CSMD1: variants seen among roughly 807,000 people sequenced by gnomAD.
CSMD1 encodes the protein CUB and sushi domain-containing protein 1.
A neutral mutation model predicts 417.5 loss-of-function variants in CSMD1; 213 were observed. That is an observed-to-expected ratio of 0.51 (90% confidence interval 0.46 to 0.57). The LOEUF (loss-of-function observed/expected upper bound fraction) is 0.57. Ranked by LOEUF, CSMD1 falls within the 20% of genes least tolerant of loss-of-function variation. CSMD1 has a pLI of 0.00. For missense variants in CSMD1, 6,923 were observed against 4,529.7 expected (o/e 1.53, Z -15.17); for synonymous variants, 2,862 against 1,736.8 (o/e 1.65, Z -16.11).
At position 4,365,969 on chromosome 8, in the gene CSMD1, T is replaced by A. The variant is rs538809025; in HGVS notation, c.415+53984A>T. On this transcript the variant is annotated intron_variant, in intron 3 of 69. Transcript: ENST00000635120. Reference sequence around the variant, plus strand: ...TAGGTTCAGGGTATCCACGTACAGGTTTGTTCATGGGGAAACTGTGTGTTG... The same window carrying A: ...TAGGTTCAGGGTATCCACGTACAGGATTGTTCATGGGGAAACTGTGTGTTG... 3.7e-4 allele frequency among the ~76,000 whole-genome samples: 56 copies of A among 152,234 alleles called. No homozygotes were observed. In the East Asian group the frequency reaches 9.7e-3, roughly 26 times the overall value.
chr8:3,093,458 G>T (rs540667298), intron 47 of CSMD1, among the ~76,000 whole-genome samples: 3 of 152,160 alleles, frequency 2.0e-5, no homozygotes, highest in South Asian at 2.1e-4. Flanking sequence ...CCTGAGGTCA[G>T]AAGTTTGAGA....
rs905763 is a variant in CSMD1, at chr8:4,327,094, G to C, written c.415+92859C>G. Among the ~76,000 whole-genome samples, 228 of 152,226 alleles carry C rather than the reference G, an allele frequency of 1.5e-3. 1 individual carries two copies. Among genetic ancestry groups the C allele is most frequent in the African/African-American group, 5.3e-3 (219 of 41,498 alleles). ...AGAGATGAGGTTGTAGCATATTCTT[G>C]AACAGGAGAGGGGAATCCAGCTGTA... On this transcript the variant is annotated intron_variant, in intron 3 of 69. Coordinates refer to ENST00000635120, the MANE Select transcript of CSMD1 (RefSeq NM_033225.6).
At chr8:4,171,315 C>T (rs554952226) in intron 3 of CSMD1, among the ~76,000 whole-genome samples, 17 of 152,044 alleles carry the variant, frequency 1.1e-4, no homozygotes, top group Admixed American at 2.6e-4. Flanking sequence ...AGGCTGTTTT[C>T]CAGGTGTAGG....
chr8:3,450,001 G>C (rs776064664), intron 12 of CSMD1, among the ~76,000 whole-genome samples: 1 of 152,186 alleles, frequency 6.6e-6, no homozygotes, highest in South Asian at 2.1e-4. Context: ...GGGAGAGAGG[G>C]TCACCAGCTC....
Position 4,817,128 on chromosome 8 carries a change from T to C in CSMD1, c.85+177204A>G, listed in dbSNP as rs143151566. On this transcript the variant is annotated intron_variant, in intron 1 of 69. Coordinates refer to ENST00000635120, the MANE Select transcript of CSMD1 (RefSeq NM_033225.6). ...ATGCCTCCATGTATCTGTATATAAA[T>C]ACATATCATAATATTTACATAAATA... Among the ~76,000 whole-genome samples, 624 of 152,326 alleles carry C rather than the reference T, an allele frequency of 4.1e-3. 3 individuals carry two copies. The highest frequency in any genetic ancestry group is 0.014 in the African/African-American group (589 of 41,578).
At chr8:4,767,483 G>A (rs770667088) in intron 1 of CSMD1, among the ~76,000 whole-genome samples, 45 of 152,106 alleles carry the variant, frequency 3.0e-4, no homozygotes, top group Non-Finnish European at 5.0e-4. Context: ...CCTCACCGCT[G>A]GCTGCTGGTC....
intron 12 of CSMD1, among the ~76,000 whole-genome samples, chr8:3,412,546 T>C (rs899885678): frequency 2.6e-5 from 4 of 152,158 alleles, no homozygotes; most frequent in Admixed American, 6.5e-5. Flanking sequence ...AGCATGAAGA[T>C]GTTGAATACA....
At chr8:3,168,338 C>T (rs183375087) in intron 37 of CSMD1, among the ~76,000 whole-genome samples, 60 of 152,288 alleles carry the variant, frequency 3.9e-4, no homozygotes, top group African/African-American at 1.3e-3. Context: ...CTCTGGCACA[C>T]GACACACAGA....
chr8:4,089,544 A>G lies in CSMD1; in HGVS notation c.416-57445T>C, dbSNP rs1800604830. On this transcript the variant is annotated intron_variant, in intron 3 of 69. Coordinates refer to ENST00000635120, the MANE Select transcript of CSMD1 (RefSeq NM_033225.6). The stretch of plus-strand genomic sequence containing the variant: ...CTTATATAGCATTCTGATTTAACAC[A>G]ATTTGGATTCTGACTTGCATTACTT... Among the ~76,000 whole-genome samples the G allele has an allele frequency of 2.6e-5, 4 of 152,138 alleles. No homozygotes were observed. In the South Asian group the frequency reaches 8.3e-4, roughly 32 times the overall value.
At chr8:4,914,583 G>GAAAAAAAAAAAA (rs59293226) in intron 1 of CSMD1, among the ~76,000 whole-genome samples, 1 of 133,682 alleles carries the variant, frequency 7.5e-6, no homozygotes. Context: ...CTCCCAAAAA[G>GAAAAAAAAAAAA]AAAAAAAAAA....
chr8:4,641,283 C>G (rs1221339678), intron 1 of CSMD1, among the ~76,000 whole-genome samples: 1 of 151,930 alleles, frequency 6.6e-6, no homozygotes, highest in Non-Finnish European at 1.5e-5. Context: ...TCATCTGTTA[C>G]CGAAATAATA....
chr8:3,214,165 G>GGAGA (rs111341226), intron 30 of CSMD1, among the ~76,000 whole-genome samples: 48 of 150,576 alleles, frequency 3.2e-4, no homozygotes, highest in African/African-American at 1.0e-3. Flanking sequence ...TTTTATATAT[G>GGAGA]GAGAGAGAGA....
intron 2 of CSMD1, among the ~76,000 whole-genome samples, chr8:4,544,631 T>C (rs902288723): frequency 2.0e-5 from 3 of 152,174 alleles, no homozygotes; most frequent in Non-Finnish European, 4.4e-5. Flanking sequence ...ATAATACAAT[T>C]TAACTATAGT....
At chr8:4,326,564 G>A (rs73506611) in intron 3 of CSMD1, among the ~76,000 whole-genome samples, 2,060 of 152,270 alleles carry the variant, frequency 0.014, 38 homozygotes, top group African/African-American at 0.047. Context: ...GAAAGTGAAC[G>A]TTAGAAGCAA....
chr8:4,372,903 C>T (rs1021510231), intron 3 of CSMD1, among the ~76,000 whole-genome samples: 1 of 152,186 alleles, frequency 6.6e-6, no homozygotes, highest in African/African-American at 2.4e-5. Context: ...CAAAGTGTAA[C>T]TCCCCATCCC....
intron 3 of CSMD1, among the ~76,000 whole-genome samples, chr8:4,306,239 C>T (rs1374118377): frequency 6.6e-6 from 1 of 152,158 alleles, no homozygotes; most frequent in Non-Finnish European, 1.5e-5. Context: ...TATCACGACA[C>T]TAACAATACG....
At chr8:4,224,004 A>T (rs1454434702) in intron 3 of CSMD1, among the ~76,000 whole-genome samples, 1 of 152,126 alleles carries the variant, frequency 6.6e-6, no homozygotes, top group Non-Finnish European at 1.5e-5. Flanking sequence ...CTTTAAACCC[A>T]AACTCGTATC....
rs1279204307 is a variant in CSMD1, at chr8:4,394,329, G to C, written c.415+25624C>G. On this transcript the variant is annotated intron_variant, in intron 3 of 69. Transcript: ENST00000635120. ...TCCTATGTTTCAATAATTTAATGGA[G>C]AATGTAGTTATTCTCTTGGGTTCTA... Among the ~76,000 whole-genome samples the C allele has an allele frequency of 4.6e-5, 7 of 152,312 alleles. No individual in the cohort carries two copies. The East Asian group carries it at 7.7e-4, about 17-fold the overall frequency.
At chr8:4,081,913 G>A (rs1800155246) in intron 3 of CSMD1, among the ~76,000 whole-genome samples, 1 of 152,162 alleles carries the variant, frequency 6.6e-6, no homozygotes, top group African/African-American at 2.4e-5. Flanking sequence ...TCATGGGGGA[G>A]TGTGTAGCTT....
Sources: gnomAD v4.1 joint callset for allele counts (sites outside exome capture counted in the v4.1 genomes callset) on GRCh38, gnomAD v4.1.1 for gene constraint, MANE v1.5 for transcripts, NCBI Gene and HGNC (gene_info 2026-07-23, HGNC 2026-07-21) for gene names.